SLC19A2: variants seen among roughly 807,000 people sequenced by gnomAD.
SLC19A2 encodes the protein thiamine transporter 1.
Under a neutral mutation model 44.7 loss-of-function variants are expected in SLC19A2, and 27 were observed. The ratio of observed to expected loss-of-function variants is 0.60; its 90% CI spans 0.45 to 0.83. The LOEUF (loss-of-function observed/expected upper bound fraction) is 0.83. Ranked by LOEUF, SLC19A2 falls within the 40% of genes least tolerant of loss-of-function variation. The pLI is 0.00. For synonymous variants in SLC19A2, 239 were observed against 243.6 expected, an observed-to-expected ratio of 0.98 and a Z score of 0.18; for missense variants, 566 against 613.7, an observed-to-expected ratio of 0.92 and a Z score of 0.82.
At chr1:169,483,370 G>GT (rs1466886617) in intron 1 of SLC19A2, among the ~76,000 whole-genome samples, 2 of 151,828 alleles carry the variant, frequency 1.3e-5, no homozygotes, top group East Asian at 3.8e-4. Context: ...TGAATAAGTT[G>GT]TTCTATTTAT....
chr1:169,468,189 G>A lies in SLC19A2; in HGVS notation c.1287C>T (p.Phe429=). 6.2e-7 allele frequency: 1 copy of A among 1,613,824 alleles called. No individual in the cohort carries two copies. Among genetic ancestry groups the A allele is most frequent in the Non-Finnish European group, 8.5e-7 (1 of 1,179,756 alleles). The change falls in exon 5 of 6, where the codon TTC becomes TTT. Residue 429 remains phenylalanine (F), a synonymous_variant. Transcript: ENST00000236137. ...GCAGCGTCTGCAGTGCCAGGGCAATGAAGGTATTTACACCAAATACTAGGG... is the reference window on the plus strand; with the variant it reads ...GCAGCGTCTGCAGTGCCAGGGCAATAAAGGTATTTACACCAAATACTAGGG... ...RYALVFGVNT[F]IALALQTLLT...
At position 169,470,123 on chromosome 1, in the gene SLC19A2, A is replaced by C. The variant is rs534839157; in HGVS notation, c.871T>G (p.Ser291Ala). 6.2e-7 allele frequency: 1 copy of C among 1,614,142 alleles called. No homozygotes were observed. Among genetic ancestry groups the C allele is most frequent in the African/African-American group, 1.3e-5 (1 of 75,028 alleles). ...VLWNDFLMCYSSRPLLCWSVW... is the reference protein window; with the variant it reads ...VLWNDFLMCYASRPLLCWSVW... ...GACCAGCAGAGAAGAGGGCGAGAGG[A>C]GTAGCACATCAGGAAATCATTCCAT... Residue 291 changes from serine (S) to alanine (A), a missense_variant, in exon 3 of 6, where the codon TCC (serine) becomes GCC (alanine). Physicochemically the swap from Ser to Ala is moderately conservative, Grantham distance 99. Coordinates refer to ENST00000236137, the MANE Select transcript of SLC19A2 (RefSeq NM_006996.3).
chr1:169,469,959 C>T lies in SLC19A2; in HGVS notation c.1030+5G>A. 3.7e-6 allele frequency: 6 copies of T among 1,612,972 alleles called. No individual in the cohort carries two copies. Among genetic ancestry groups the T allele is most frequent in the African/African-American group, 1.3e-5 (1 of 74,994 alleles). ...CACGACCCTCTATTATCCTGCATTG[C>T]TTACCCAGTAAGGTTGAAACGGCCT... On this transcript the variant is annotated splice_donor_5th_base_variant and intron_variant, in intron 3 of 5. Transcript: ENST00000236137.
chr1:169,465,556 C>CTG lies in SLC19A2; in HGVS notation c.*292_*293insCA. 2.5e-6 allele frequency: 1 copy of CTG among 402,540 alleles called. No individual in the cohort carries two copies. Among genetic ancestry groups the CTG allele is most frequent in the South Asian group, 2.2e-5 (1 of 45,742 alleles). 24.9% of individuals were successfully genotyped at this position (402,540 alleles called of 1,614,324 possible). On this transcript the variant is annotated 3_prime_UTR_variant, in exon 6 of 6. Transcript: ENST00000236137. ...CACTTGCTAATGAAGTATACAACAC[C>CTG]ATGTGCTGCTTTGATTGCTCTTGAC...
In SLC19A2 at chr1:169,477,429, A is replaced by C; in HGVS notation, c.533T>G (p.Ile178Ser). ...CGACCAGCCTGCCACTGAGACAAGGATTTGCCCTAGGACAGAGCCCACTGT... is the reference window on the plus strand; with the variant it reads ...CGACCAGCCTGCCACTGAGACAAGGCTTTGCCCTAGGACAGAGCCCACTGT... ...GFTVGSVLGQILVSVAGWSLF... is the reference protein window; with the variant it reads ...GFTVGSVLGQSLVSVAGWSLF... The change falls in exon 2 of 6, where the codon ATC (isoleucine) becomes AGC (serine). Residue 178 changes from isoleucine to serine, a missense_variant. Coordinates refer to ENST00000236137, the MANE Select transcript of SLC19A2 (RefSeq NM_006996.3). 2 of 1,614,178 alleles carry C rather than the reference A, an allele frequency of 1.2e-6. No individual in the cohort carries two copies. The highest frequency in any genetic ancestry group is 1.7e-6 in the Non-Finnish European group (2 of 1,180,030).
At chr1:169,481,893 C>T (rs1246108510) in intron 1 of SLC19A2, among the ~76,000 whole-genome samples, 4 of 152,084 alleles carry the variant, frequency 2.6e-5, no homozygotes, top group African/African-American at 9.7e-5. Flanking sequence ...TCAACCAGCA[C>T]GGAGGTGACA....
chr1:169,473,413 T>A (rs1658239660), intron 2 of SLC19A2, among the ~76,000 whole-genome samples: 1 of 151,138 alleles, frequency 6.6e-6, no homozygotes, highest in Admixed American at 6.6e-5. Flanking sequence ...TTTTGTATTT[T>A]TTTTTTTTTT....
chr1:169,485,222 T>C (rs1411475068), intron 1 of SLC19A2, among the ~76,000 whole-genome samples: 1 of 152,214 alleles, frequency 6.6e-6, no homozygotes, highest in African/African-American at 2.4e-5. Context: ...TTTTCACTTC[T>C]TTGTCAAAAT....
chr1:169,485,510 C>T (rs1449394013), intron 1 of SLC19A2, 53 bp downstream of exon 1: 58 of 1,539,642 alleles, frequency 3.8e-5, no homozygotes, highest in Non-Finnish European at 5.1e-5. Context: ...CTCCGCTGCC[C>T]ACCCGCAGGC....
At position 169,469,988 on chromosome 1, in the gene SLC19A2, C is replaced by G. The variant is rs148047353; in HGVS notation, c.1006G>C (p.Val336Leu). The G allele has an allele frequency of 1.2e-6, 2 of 1,613,740 alleles. No homozygotes were observed. Among genetic ancestry groups the G allele is most frequent in the African/African-American group, 2.7e-5 (2 of 74,872 alleles). The part of the protein sequence containing the change: ...SRYAAIYNGG[V>L]EAVSTLLGAV... ...CCCAGTAAGGTTGAAACGGCCTCCA[C>G]GCCACCATTATAGATAGCAGCATAG... is the stretch of plus-strand genomic sequence containing the variant. Residue 336 changes from valine to leucine, a missense_variant, in exon 3 of 6, where the codon GTG becomes CTG. Coordinates refer to ENST00000236137, the MANE Select transcript of SLC19A2 (RefSeq NM_006996.3).
rs200879349 is a variant in SLC19A2 at position 169,468,804 on chromosome 1, T to G, written c.1063A>C (p.Lys355Gln). 62 of 1,613,792 alleles carry G rather than the reference T, an allele frequency of 3.8e-5. No individual in the cohort carries two copies. The highest frequency in any genetic ancestry group is 3.3e-4 in the Middle Eastern group (2 of 6,050). Reference sequence around the variant, plus strand: ...TCTCCCCAAGTTGACCAGGATATTTTTATATAACCAACTGCAAACACAGCA... The same window carrying G: ...TCTCCCCAAGTTGACCAGGATATTTGTATATAACCAACTGCAAACACAGCA... The part of the protein sequence containing the change: ...AVAVFAVGYI[K>Q]ISWSTWGEMT... The change falls in exon 4 of 6, where the codon AAA becomes CAA. Residue 355 changes from lysine (K) to glutamine (Q), a missense_variant. Physicochemically the swap from Lys to Gln is moderately conservative, Grantham distance 53. Coordinates refer to ENST00000236137, the MANE Select transcript of SLC19A2 (RefSeq NM_006996.3).
At chr1:169,484,839 ATC>A (rs1176496275) in intron 1 of SLC19A2, among the ~76,000 whole-genome samples, 1 of 152,218 alleles carries the variant, frequency 6.6e-6, no homozygotes, top group Non-Finnish European at 1.5e-5. Context: ...CTTCAAAGAC[ATC>A]ACCTTGTATC....
chr1:169,485,468 A>C, intron 1 of SLC19A2, 95 bp downstream of exon 1: 1 of 1,352,958 alleles, frequency 7.4e-7, no homozygotes, highest in Non-Finnish European at 1.0e-6. Flanking sequence ...TCTGCCGAGA[A>C]TGGCTCGAGC....
At chr1:169,472,942 T>C (rs1658222921) in intron 2 of SLC19A2, among the ~76,000 whole-genome samples, 1 of 152,254 alleles carries the variant, frequency 6.6e-6, no homozygotes, top group Non-Finnish European at 1.5e-5. Flanking sequence ...ATGCATGCTC[T>C]AATTTAATAA....
At position 169,485,807 on chromosome 1, in the gene SLC19A2, T is replaced by C; in HGVS notation, c.-41A>G. Reference sequence around the variant, plus strand: ...AGGGGACCCGGCCCGGCCCCTTCCTTCTCCTCCTCCGCCAACTGGAGTGAG... The same window carrying C: ...AGGGGACCCGGCCCGGCCCCTTCCTCCTCCTCCTCCGCCAACTGGAGTGAG... On this transcript the variant is annotated 5_prime_UTR_variant, in exon 1 of 6. Transcript: ENST00000236137. 2 of 1,500,922 alleles carry C rather than the reference T, an allele frequency of 1.3e-6. No individual in the cohort carries two copies. The highest frequency in any genetic ancestry group is 1.8e-6 in the Non-Finnish European group (2 of 1,132,210). The allele number at this position is 1,500,922 out of a possible 1,614,324, so 93.0% of individuals were successfully genotyped here.
At chr1:169,483,560 T>C (rs571891928) in intron 1 of SLC19A2, among the ~76,000 whole-genome samples, 21 of 152,316 alleles carry the variant, frequency 1.4e-4, no homozygotes, top group African/African-American at 5.1e-4. Context: ...ATGTTTTTTG[T>C]TACACAATCA....
At position 169,468,717 on chromosome 1, in the gene SLC19A2, C is replaced by A; in HGVS notation, c.1150G>T (p.Gly384Cys). The A allele has an allele frequency of 6.2e-7, 1 of 1,613,714 alleles. No homozygotes were observed. Among genetic ancestry groups the A allele is most frequent in the Non-Finnish European group, 8.5e-7 (1 of 1,179,816 alleles). The change falls in exon 4 of 6, where the codon GGT becomes TGT. Residue 384 changes from glycine (G) to cysteine (C), a missense_variant. Coordinates refer to ENST00000236137, the MANE Select transcript of SLC19A2 (RefSeq NM_006996.3). Reference protein sequence around the residue: ...AAAVYIMDTVGNIWVCYASYV... With the variant: ...AAAVYIMDTVCNIWVCYASYV... ...GATGCATAGCACACCCAAATGTTAC[C>A]CACAGTGTCCATGATATACACTGCA...
At chr1:169,467,699 G>A (rs1281740922) in intron 5 of SLC19A2, among the ~76,000 whole-genome samples, 2 of 152,136 alleles carry the variant, frequency 1.3e-5, no homozygotes, top group Non-Finnish European at 2.9e-5. Context: ...ATTTGGGTGA[G>A]GGGTGTTTTA....
intron 2 of SLC19A2, among the ~76,000 whole-genome samples, chr1:169,475,781 G>T (rs1266217533): frequency 6.6e-6 from 1 of 152,142 alleles, no homozygotes; most frequent in African/African-American, 2.4e-5. Flanking sequence ...GGTTGCCCAG[G>T]CTCTACAAGT....
Sources: gnomAD v4.1 joint callset for allele counts (sites outside exome capture counted in the v4.1 genomes callset) on GRCh38, gnomAD v4.1.1 for gene constraint, MANE v1.5 for transcripts, NCBI Gene and HGNC (gene_info 2026-07-23, HGNC 2026-07-21) for gene names.